RBFOX3: variants seen among roughly 807,000 people sequenced by gnomAD.
The protein encoded by RBFOX3 is RNA binding fox-1 homolog 3, also known as RNA binding protein fox-1 homolog 3.
In RBFOX3, 17 loss-of-function variants were observed where a neutral mutation model predicts 48.7. The observed-to-expected ratio is 0.35, with a 90% CI of 0.24 to 0.52. The LOEUF (loss-of-function observed/expected upper bound fraction) is 0.52. Ranked by LOEUF, RBFOX3 falls within the 20% of genes least tolerant of loss-of-function variation. The pLI is 0.94. For missense variants in RBFOX3, 382 were observed against 497.5 expected, an observed-to-expected ratio of 0.77 and a Z score of 2.21; for synonymous variants, 212 against 209.5, an observed-to-expected ratio of 1.01 and a Z score of -0.10.
intron 3 of RBFOX3, among the ~76,000 whole-genome samples, chr17:79,307,184 C>T (rs549514759): frequency 3.9e-5 from 6 of 152,354 alleles, no homozygotes; most frequent in African/African-American, 9.6e-5. Context: ...GCATGAGCAG[C>T]GTGTCCGCCC....
intron 8 of RBFOX3, among the ~76,000 whole-genome samples, 188 bp from the exon 9 acceptor site, chr17:79,101,832 C>T (rs995848463): frequency 6.6e-6 from 1 of 152,316 alleles, no homozygotes; most frequent in Admixed American, 6.5e-5. Flanking sequence ...AAAGCCCCGC[C>T]TGGCCCAGGA....
intron 3 of RBFOX3, among the ~76,000 whole-genome samples, chr17:79,300,076 G>C (rs2075073261): frequency 6.6e-6 from 1 of 152,112 alleles, no homozygotes; most frequent in African/African-American, 2.4e-5. Flanking sequence ...CCTAACTTTT[G>C]TATTTTTAGT....
intron 4 of RBFOX3, among the ~76,000 whole-genome samples, chr17:79,229,328 G>C (rs144600442): frequency 3.0e-4 from 45 of 149,656 alleles, no homozygotes; most frequent in African/African-American, 1.1e-3. Flanking sequence ...AGGCCGAGGA[G>C]GGCAGATCAC....
At chr17:79,354,958 C>T (rs1386722928) in intron 2 of RBFOX3, among the ~76,000 whole-genome samples, 2 of 152,172 alleles carry the variant, frequency 1.3e-5, no homozygotes, top group Non-Finnish European at 2.9e-5. Flanking sequence ...CAGCTAACAG[C>T]GGGCTCCCTT....
rs1555757304 is a variant in RBFOX3 at position 79,471,980 on chromosome 17, T to G, written c.-175+10474A>C. ...TGTGGGAGAAACAAGTTGCAGCCTG[T>G]GCCCTTAAGGAACTCCAGAAAGAAA... On this transcript the variant is annotated intron_variant, in intron 2 of 14. Coordinates refer to ENST00000693108, the MANE Select transcript of RBFOX3 (RefSeq NM_001350451.2). The surrounding 1 kb of genome is among the most constrained non-coding windows in gnomAD (Gnocchi z 4.0). Among the ~76,000 whole-genome samples, 1 of 152,238 alleles carries G rather than the reference T, an allele frequency of 6.6e-6. No individual in the cohort carries two copies. Among genetic ancestry groups the G allele is most frequent in the African/African-American group, 2.4e-5 (1 of 41,454 alleles).
Position 79,243,512 on chromosome 17 carries a change from G to A in RBFOX3, c.-73-7707C>T, listed in dbSNP as rs971110907. 6.6e-5 allele frequency among the ~76,000 whole-genome samples: 10 copies of A among 152,230 alleles called. No individual in the cohort carries two copies. Among genetic ancestry groups the A allele is most frequent in the South Asian group, 4.2e-4 (2 of 4,814 alleles). On this transcript the variant is annotated intron_variant, in intron 3 of 14. Transcript: ENST00000693108. This position sits in a 1 kb window ranked among gnomAD's most constrained non-coding sequence, Gnocchi z 7.9. ...GGGTGTCATTTGGGACTGTGGAGTC[G>A]ACCACAGTCAATTGCTTGGGTGATA...
intron 1 of RBFOX3, among the ~76,000 whole-genome samples, chr17:79,508,140 A>G (rs1321088701): frequency 1.3e-5 from 2 of 152,244 alleles, no homozygotes; most frequent in Non-Finnish European, 2.9e-5. Context: ...CGGGGCAGAA[A>G]GGAAATCCCT....
chr17:79,255,955 TC>T (rs974224828), intron 3 of RBFOX3, among the ~76,000 whole-genome samples: 5 of 151,206 alleles, frequency 3.3e-5, no homozygotes, highest in Admixed American at 6.6e-5. Flanking sequence ...CACAGCTGCC[TC>T]CCCAGCCAAC....
At chr17:79,222,304 A>G (rs1356415329) in intron 4 of RBFOX3, among the ~76,000 whole-genome samples, 9 of 151,906 alleles carry the variant, frequency 5.9e-5, no homozygotes, top group African/African-American at 2.2e-4. Context: ...CAGAAGGTAC[A>G]GAGGCCTAAG....
chr17:79,216,669 C>T (rs1439764763), intron 4 of RBFOX3, among the ~76,000 whole-genome samples: 1 of 152,166 alleles, frequency 6.6e-6, no homozygotes, highest in African/African-American at 2.4e-5. Context: ...GTCACATGCC[C>T]ACCCGTTCTG....
At chr17:79,618,239 C>A in the RBFOX3 span, among the ~76,000 whole-genome samples, 1 of 152,122 alleles carries the variant, frequency 6.6e-6, no homozygotes, top group African/African-American at 2.4e-5. Context: ...TCTGAGGCAC[C>A]GTCAATTTCT....
chr17:79,224,252 A>T (rs2060065245), intron 4 of RBFOX3, among the ~76,000 whole-genome samples: 1 of 152,032 alleles, frequency 6.6e-6, no homozygotes, highest in African/African-American at 2.4e-5. Context: ...AGCCCACCCG[A>T]TGGCTGCCAG....
At chr17:79,182,225 T>C (rs150603594) in intron 4 of RBFOX3, among the ~76,000 whole-genome samples, 2 of 152,050 alleles carry the variant, frequency 1.3e-5, no homozygotes, top group Non-Finnish European at 2.9e-5. Flanking sequence ...GAGCCTGAAG[T>C]GCTCACAATC....
chr17:79,126,382 A>G (rs1257650592), intron 4 of RBFOX3, among the ~76,000 whole-genome samples: 2 of 152,058 alleles, frequency 1.3e-5, no homozygotes, highest in Non-Finnish European at 2.9e-5. Context: ...ACCCGATGTG[A>G]GCACCCCTGC....
At chr17:79,611,878 G>A (rs1359026669), upstream of RBFOX3, among the ~76,000 whole-genome samples, 1 of 152,192 alleles carries the variant, frequency 6.6e-6, no homozygotes, top group African/African-American at 2.4e-5. Context: ...AGGACTGTGG[G>A]AGGTCAGCTT....
chr17:79,297,993 A>G (rs1379853546), intron 3 of RBFOX3, among the ~76,000 whole-genome samples: 1 of 152,204 alleles, frequency 6.6e-6, no homozygotes, highest in Admixed American at 6.5e-5. Context: ...CTCCTTGTGG[A>G]GAGTTCGCCA....
intron 1 of RBFOX3, among the ~76,000 whole-genome samples, chr17:79,540,639 A>T (rs1472376236): frequency 6.6e-6 from 1 of 152,176 alleles, no homozygotes; most frequent in East Asian, 1.9e-4. Flanking sequence ...TGTCATTCAC[A>T]TACCGCCGTG....
rs144329776 is a variant in RBFOX3, at chr17:79,299,901, G to A, written c.-74+7823C>T. Among the ~76,000 whole-genome samples the A allele has an allele frequency of 2.6e-5, 4 of 151,498 alleles. No individual in the cohort carries two copies. The highest frequency in any genetic ancestry group is 1.9e-4 in the East Asian group (1 of 5,142). Reference sequence around the variant, plus strand: ...ACACAGGCCTCCAAAGGAATCTGCCGACACTCTTTTTTTTTTTTTTTGAGA... The same window carrying A: ...ACACAGGCCTCCAAAGGAATCTGCCAACACTCTTTTTTTTTTTTTTTGAGA... On this transcript the variant is annotated intron_variant, in intron 3 of 14. Transcript: ENST00000693108. The surrounding 1 kb of genome is among the most constrained non-coding windows in gnomAD (Gnocchi z 4.5).
chr17:79,232,983 C>A lies in RBFOX3; in HGVS notation c.-34+2783G>T, dbSNP rs912590634. The stretch of plus-strand genomic sequence containing the variant: ...TATTTAGGGCGTTAAAATATACTTA[C>A]CTTGAGATCCAGCCATTTCACCCAA... On this transcript the variant is annotated intron_variant, in intron 4 of 14. Transcript: ENST00000693108. 4.6e-5 allele frequency among the ~76,000 whole-genome samples: 7 copies of A among 152,164 alleles called. No individual in the cohort carries two copies. In the East Asian group the frequency reaches 1.3e-3, roughly 29 times the overall value.
Sources: gnomAD v4.1 joint callset for allele counts (sites outside exome capture counted in the v4.1 genomes callset) on GRCh38, gnomAD v4.1.1 for gene constraint, Gnocchi (gnomAD v3.1) non-coding constraint, MANE v1.5 for transcripts, NCBI Gene and HGNC (gene_info 2026-07-23, HGNC 2026-07-21) for gene names.